Variants in NKIRAS1 observed in about 807,000 individuals in gnomAD.
NKIRAS1 encodes NF-kappa-B inhibitor-interacting Ras-like protein 1.
A neutral mutation model predicts 19.8 loss-of-function variants in NKIRAS1; 16 were observed. The ratio of observed to expected loss-of-function variants is 0.81; its 90% CI spans 0.55 to 1.23. The LOEUF is 1.23. Ranked by LOEUF, NKIRAS1 falls within the 50% of genes most tolerant of loss-of-function variation. The probability of loss-of-function intolerance (pLI) is 0.00; values close to 1 mark genes in which losing one functional copy is unlikely to be tolerated. For missense variants in NKIRAS1, 184 were observed against 220.0 expected (o/e 0.84, Z 1.04); for synonymous variants, 88 against 79.0 (o/e 1.11, Z -0.61).
At chr3:23,945,391 C>T (rs1360800564) in intron 1 of NKIRAS1, 4 of 182,434 alleles carry the variant, frequency 2.2e-5, no homozygotes, top group Non-Finnish European at 3.3e-5. Context: ...GCCGCCGCCA[C>T]CCTCTCTCGC....
At chr3:23,930,864 G>A (rs536829676) in intron 1 of NKIRAS1, among the ~76,000 whole-genome samples, 35 of 148,188 alleles carry the variant, frequency 2.4e-4, no homozygotes, top group East Asian at 1.4e-3. Flanking sequence ...CACCATGTCC[G>A]GCTGTTTTTT....
intron 4 of NKIRAS1, among the ~76,000 whole-genome samples, 167 bp downstream of exon 4, chr3:23,900,641 C>CAAAAAAAA (rs57762803): frequency 8.8e-6 from 1 of 114,066 alleles, no homozygotes; most frequent in Non-Finnish European, 1.8e-5. Context: ...GACTCCGTCT[C>CAAAAAAAA]AAAAAAAAAA....
At chr3:23,925,529 G>A (rs1209338916) in intron 1 of NKIRAS1, among the ~76,000 whole-genome samples, 1 of 152,172 alleles carries the variant, frequency 6.6e-6, no homozygotes, top group Non-Finnish European at 1.5e-5. Flanking sequence ...AGCTACTCAG[G>A]AGGCTAAGGT....
intron 4 of NKIRAS1, among the ~76,000 whole-genome samples, chr3:23,899,063 G>A (rs577649667): frequency 5.9e-5 from 9 of 152,160 alleles, no homozygotes; most frequent in East Asian, 3.9e-4. Flanking sequence ...CCACAAAACC[G>A]GTCCCTGGTG....
chr3:23,899,607 G>C lies in NKIRAS1; in HGVS notation c.336+1201C>G, dbSNP rs1045638851. Among the ~76,000 whole-genome samples the C allele has an allele frequency of 3.9e-5, 6 of 152,162 alleles. No individual in the cohort carries two copies. In the East Asian group the frequency reaches 1.2e-3, roughly 29 times the overall value. On this transcript the variant is annotated intron_variant, in intron 4 of 4. Coordinates refer to ENST00000425478, the MANE Select transcript of NKIRAS1 (RefSeq NM_020345.4). ...TCCAGACAGGGAAACAAGCAATTGA[G>C]AAAGCTTAATAGGAAAACAAAACTA... is the stretch of plus-strand genomic sequence containing the variant.
At chr3:23,913,064 A>G (rs920959636) in intron 1 of NKIRAS1, among the ~76,000 whole-genome samples, 3 of 150,764 alleles carry the variant, frequency 2.0e-5, no homozygotes, top group Non-Finnish European at 4.4e-5. Context: ...AAAAAAAAAA[A>G]GTAATACACT....
chr3:23,911,522 A>C (rs1056808916), intron 1 of NKIRAS1, 72 bp from the exon 2 acceptor site: 6 of 152,594 alleles, frequency 3.9e-5, no homozygotes, highest in Admixed American at 3.9e-4. Context: ...GAATAAATAC[A>C]TTTTATATGA....
chr3:23,942,693 A>ATGATCAGCACCTCGG, intron 1 of NKIRAS1, among the ~76,000 whole-genome samples: 1 of 151,468 alleles, frequency 6.6e-6, no homozygotes, highest in South Asian at 2.1e-4. Flanking sequence ...GGCCTCCCAA[A>ATGATCAGCACCTCGG]GTGCTGGGTG....
chr3:23,917,818 G>T (rs774610114), upstream of NKIRAS1: 1 of 1,575,924 alleles, frequency 6.3e-7, no homozygotes, highest in Admixed American at 1.8e-5. Context: ...ACTTAAAGCG[G>T]ATGATATTTA....
chr3:23,909,441 T>G (rs993120490), intron 3 of NKIRAS1, among the ~76,000 whole-genome samples: 2 of 152,096 alleles, frequency 1.3e-5, no homozygotes, highest in African/African-American at 4.8e-5. Flanking sequence ...AAAGGAGAAT[T>G]GGCTGAACCT....
At chr3:23,918,924 A>T (rs1704890365), upstream of NKIRAS1, 3 of 527,740 alleles carry the variant, frequency 5.7e-6, no homozygotes, top group African/African-American at 3.8e-5. Context: ...CCAAACCCTA[A>T]ATTTTGTTAC....
In NKIRAS1 at chr3:23,890,640, G is replaced by C. The variant is rs530810725; in HGVS notation, c.*2455C>G. The C allele has an allele frequency of 1.3e-6, 2 of 1,583,392 alleles. No homozygotes were observed. The highest frequency in any genetic ancestry group is 1.7e-6 in the Non-Finnish European group (2 of 1,157,706). Reference sequence around the variant, plus strand: ...TTCACAATTCTTACATTATTTGTCTGTCACAGAAGAGAGCTGCTTATGATT... The same window carrying C: ...TTCACAATTCTTACATTATTTGTCTCTCACAGAAGAGAGCTGCTTATGATT... On this transcript the variant is annotated 3_prime_UTR_variant, in exon 5 of 5. Coordinates refer to ENST00000425478, the MANE Select transcript of NKIRAS1 (RefSeq NM_020345.4).
chr3:23,928,176 G>A (rs776543544), intron 1 of NKIRAS1, among the ~76,000 whole-genome samples: 1 of 151,236 alleles, frequency 6.6e-6, no homozygotes, highest in Non-Finnish European at 1.5e-5. Context: ...GCCCACACCT[G>A]TAGTCTCAGC....
intron 1 of NKIRAS1, among the ~76,000 whole-genome samples, chr3:23,925,507 G>A (rs903196454): frequency 3.9e-5 from 6 of 152,202 alleles, no homozygotes; most frequent in Admixed American, 6.5e-5. Context: ...AGTGGCATGC[G>A]CCTGTGGTTC....
upstream of NKIRAS1, chr3:23,920,444 C>T: frequency 2.0e-6 from 2 of 985,426 alleles, no homozygotes; most frequent in South Asian, 4.7e-5. Flanking sequence ...CCCTAAAAAT[C>T]CTTACCATTC....
At chr3:23,944,788 G>A (rs901388834) in intron 1 of NKIRAS1, among the ~76,000 whole-genome samples, 6 of 150,318 alleles carry the variant, frequency 4.0e-5, no homozygotes, top group East Asian at 2.0e-4. Flanking sequence ...GAAAGGGAAG[G>A]GTCTGTGCCC....
chr3:23,899,566 T>G (rs918549806), intron 4 of NKIRAS1, among the ~76,000 whole-genome samples: 1 of 152,100 alleles, frequency 6.6e-6, no homozygotes, highest in Non-Finnish European at 1.5e-5. Flanking sequence ...TGGAGAAAGA[T>G]TTGAGATAAG....
chr3:23,914,721 C>T (rs1011827280), intron 1 of NKIRAS1, among the ~76,000 whole-genome samples: 26 of 152,162 alleles, frequency 1.7e-4, no homozygotes, highest in African/African-American at 6.3e-4. Flanking sequence ...AAACACAAAT[C>T]CAAATCTTGT....
chr3:23,929,411 C>G (rs1177608644), intron 1 of NKIRAS1, among the ~76,000 whole-genome samples: 1 of 151,866 alleles, frequency 6.6e-6, no homozygotes, highest in Non-Finnish European at 1.5e-5. Context: ...TTTGGACTAC[C>G]TGAAAAAATT....
Sources: gnomAD v4.1 joint callset for allele counts (sites outside exome capture counted in the v4.1 genomes callset) on GRCh38, gnomAD v4.1.1 for gene constraint, MANE v1.5 for transcripts, NCBI Gene and HGNC (gene_info 2026-07-23, HGNC 2026-07-21) for gene names.